Variants in SLC7A5 observed in about 807,000 individuals in gnomAD.
SLC7A5 encodes the protein large neutral amino acids transporter small subunit 1.
SLC7A5 carries 23 observed loss-of-function variants against 50.2 expected under a neutral mutation model. That is an observed-to-expected ratio of 0.46 (90% CI 0.33 to 0.65). The LOEUF (loss-of-function observed/expected upper bound fraction) is 0.65. Ranked by LOEUF, SLC7A5 falls within the 30% of genes least tolerant of loss-of-function variation. SLC7A5 has a pLI of 0.02. For missense variants in SLC7A5, 578 were observed against 684.4 expected, an observed-to-expected ratio of 0.84 and a Z score of 1.73; for synonymous variants, 393 against 330.6, an observed-to-expected ratio of 1.19 and a Z score of -2.05.
intron 1 of SLC7A5, among the ~76,000 whole-genome samples, chr16:87,855,023 C>T (rs938810531): frequency 4.6e-5 from 7 of 152,224 alleles, no homozygotes; most frequent in African/African-American, 1.4e-4. Flanking sequence ...CCAGAGCCAG[C>T]GCCAGGGCCT....
intron 1 of SLC7A5, among the ~76,000 whole-genome samples, chr16:87,866,302 A>G (rs2143837547): frequency 6.6e-6 from 1 of 152,270 alleles, no homozygotes; most frequent in South Asian, 2.1e-4. Context: ...CAGCTCCGGA[A>G]GCATACACTG....
rs970261083 is a variant in SLC7A5 at position 87,833,764 on chromosome 16, G to A, written c.1468+650C>T. On this transcript the variant is annotated intron_variant, in intron 9 of 9. Transcript: ENST00000261622. The surrounding 1 kb of genome is among the most constrained non-coding windows in gnomAD (Gnocchi z 6.0). ...TTTTTCTACGAGCCTGGCCACATTT[G>A]CAGGCGCTGAGGACGGGGTCCTGAG... Among the ~76,000 whole-genome samples, 2 of 151,998 alleles carry A rather than the reference G, an allele frequency of 1.3e-5. No homozygotes were observed. The highest frequency in any genetic ancestry group is 2.4e-5 in the African/African-American group (1 of 41,386).
At chr16:87,834,697 G>T in intron 8 of SLC7A5, 106 bp from the exon 9 acceptor site, 1 of 1,173,050 alleles carries the variant, frequency 8.5e-7, no homozygotes, top group Non-Finnish European at 1.2e-6. Context: ...CACGGCTGCT[G>T]ACTTCCAGGT....
chr16:87,860,903 G>C lies in SLC7A5; in HGVS notation c.538+7982C>G, dbSNP rs184725221. 6.6e-6 allele frequency among the ~76,000 whole-genome samples: 1 copy of C among 152,334 alleles called. No individual in the cohort carries two copies. Among genetic ancestry groups the C allele is most frequent in the East Asian group, 1.9e-4 (1 of 5,178 alleles). On this transcript the variant is annotated intron_variant, in intron 1 of 9. Transcript: ENST00000261622. This position sits in a 1 kb window ranked among gnomAD's most constrained non-coding sequence, Gnocchi z 4.8. ...GGTCTGACGGCCAGGGATGCAGGGA[G>C]AGACGCCTCCCACACTCCCGGAGGC...
intron 2 of SLC7A5, among the ~76,000 whole-genome samples, chr16:87,846,624 G>T (rs571909571): frequency 8.6e-4 from 131 of 152,272 alleles, no homozygotes; most frequent in African/African-American, 3.1e-3. Context: ...ACACAGCGAG[G>T]GGGTGTCTAG....
chr16:87,843,469 C>T lies in SLC7A5; in HGVS notation c.665-2314G>A, dbSNP rs376375154. Reference sequence around the variant, plus strand: ...CACCATGTTGGCCAGGCTGGTCCAGCTCTGCTTAAGGGTGGCCTGGAGGGC... The same window carrying T: ...CACCATGTTGGCCAGGCTGGTCCAGTTCTGCTTAAGGGTGGCCTGGAGGGC... On this transcript the variant is annotated intron_variant, in intron 2 of 9. Transcript: ENST00000261622. Among the ~76,000 whole-genome samples the T allele has an allele frequency of 7.0e-5, 10 of 143,580 alleles. No homozygotes were observed. The South Asian group carries it at 2.0e-3, about 28-fold the overall frequency. 94.2% of individuals were successfully genotyped at this position (143,580 alleles called of 152,430 possible).
rs66480687 is a variant in SLC7A5, at chr16:87,852,939, C to T, written c.539-1090G>A. 0.25 allele frequency among the ~76,000 whole-genome samples: 38,498 copies of T among 152,100 alleles called. 5,590 individuals carry two copies. Among genetic ancestry groups the T allele is most frequent in the East Asian group, 0.66 (3,425 of 5,174 alleles). The stretch of plus-strand genomic sequence containing the variant: ...TTCACTCCTCTGCTCACGAGGTTAT[C>T]TGTCGCTGTCAGCAGCTTGAAATCT... On this transcript the variant is annotated intron_variant, in intron 1 of 9. Coordinates refer to ENST00000261622, the MANE Select transcript of SLC7A5 (RefSeq NM_003486.7). The surrounding 1 kb of genome is among the most constrained non-coding windows in gnomAD (Gnocchi z 4.5).
At chr16:87,844,309 CCT>C (rs1205371900) in intron 2 of SLC7A5, among the ~76,000 whole-genome samples, 2 of 152,218 alleles carry the variant, frequency 1.3e-5, no homozygotes, top group Non-Finnish European at 2.9e-5. Context: ...GCACAGCAGC[CCT>C]GTCAGCAGGA....
intron 2 of SLC7A5, among the ~76,000 whole-genome samples, chr16:87,851,060 A>G (rs1364234685): frequency 6.6e-6 from 1 of 152,262 alleles, no homozygotes; most frequent in African/African-American, 2.4e-5. Context: ...GATTTCCCCA[A>G]GATCACACAG....
chr16:87,838,291 C>T (rs1040324164), intron 6 of SLC7A5, among the ~76,000 whole-genome samples: 39 of 120,070 alleles, frequency 3.2e-4, no homozygotes, highest in African/African-American at 1.1e-3. Context: ...TTGCTGCTGC[C>T]TTTTTTTTTT....
At position 87,862,579 on chromosome 16, in the gene SLC7A5, C is replaced by T. The variant is rs1449096329; in HGVS notation, c.538+6306G>A. ...TTCCCTCCCTCTCTTTGTTCCCTTGCTCCTTCCTTCTTTTGCCAGAGGAGA... is the reference window on the plus strand; with the variant it reads ...TTCCCTCCCTCTCTTTGTTCCCTTGTTCCTTCCTTCTTTTGCCAGAGGAGA... On this transcript the variant is annotated intron_variant, in intron 1 of 9. Transcript: ENST00000261622. This position sits in a 1 kb window ranked among gnomAD's most constrained non-coding sequence, Gnocchi z 5.3. Among the ~76,000 whole-genome samples, 3 of 152,238 alleles carry T rather than the reference C, an allele frequency of 2.0e-5. No individual in the cohort carries two copies. Among genetic ancestry groups the T allele is most frequent in the Admixed American group, 6.5e-5 (1 of 15,282 alleles).
intron 6 of SLC7A5, 85 bp from the exon 7 acceptor site, chr16:87,838,026 G>A (rs2055033285): frequency 1.8e-6 from 2 of 1,093,080 alleles, no homozygotes; most frequent in Non-Finnish European, 2.7e-6. Flanking sequence ...GGGAGTGGCA[G>A]GGCCTGTGCC....
At chr16:87,843,253 T>C (rs28415618) in intron 2 of SLC7A5, among the ~76,000 whole-genome samples, 103,824 of 151,238 alleles carry the variant, frequency 0.69, 36,716 homozygotes, top group East Asian at 0.85. Flanking sequence ...ACACAGAGGG[T>C]GGCTGCTTTT....
chr16:87,857,310 C>T (rs1252094535), intron 1 of SLC7A5, among the ~76,000 whole-genome samples: 2 of 152,170 alleles, frequency 1.3e-5, no homozygotes, highest in Non-Finnish European at 2.9e-5. Flanking sequence ...GCAACCTCCG[C>T]CTCCTGAGTT....
In SLC7A5 at chr16:87,834,749, G is replaced by A; in HGVS notation, c.1291-158C>T. Reference sequence around the variant, plus strand: ...GCACTCCATCTGCCTCACACACCGGGCTGTCCCGCCCTCGACTCTGCATAC... The same window carrying A: ...GCACTCCATCTGCCTCACACACCGGACTGTCCCGCCCTCGACTCTGCATAC... On this transcript the variant is annotated intron_variant, in intron 8 of 9. Coordinates refer to ENST00000261622, the MANE Select transcript of SLC7A5 (RefSeq NM_003486.7). 3 of 764,642 alleles carry A rather than the reference G, an allele frequency of 3.9e-6. No individual in the cohort carries two copies. The South Asian group carries it at 4.7e-5, about 12-fold the overall frequency. The allele number at this position is 764,642 out of a possible 1,614,324, so 47.4% of individuals were successfully genotyped here. A position where few individuals can be genotyped will look rare whatever the true frequency, so the allele number is the denominator to read the frequency against.
rs1326780311 is a variant in SLC7A5, at chr16:87,834,390, G to T, written c.1468+24C>A. ...CTGCCCAGGGCAGAGGGTACCACGG[G>T]CTGTGGGCCAGCGAGATACTCACAG... On this transcript the variant is annotated intron_variant, in intron 9 of 9. Coordinates refer to ENST00000261622, the MANE Select transcript of SLC7A5 (RefSeq NM_003486.7). 3 of 1,550,634 alleles carry T rather than the reference G, an allele frequency of 1.9e-6. No individual in the cohort carries two copies. The African/African-American group carries it at 4.1e-5, about 21-fold the overall frequency.
In SLC7A5 at chr16:87,833,345, G is replaced by T. The variant is rs929226603; in HGVS notation, c.1469-320C>A. Among the ~76,000 whole-genome samples, 4 of 152,204 alleles carry T rather than the reference G, an allele frequency of 2.6e-5. No homozygotes were observed. The highest frequency in any genetic ancestry group is 9.7e-5 in the African/African-American group (4 of 41,436). On this transcript the variant is annotated intron_variant, in intron 9 of 9. Coordinates refer to ENST00000261622, the MANE Select transcript of SLC7A5 (RefSeq NM_003486.7). This position sits in a 1 kb window ranked among gnomAD's most constrained non-coding sequence, Gnocchi z 6.0. ...GGTGTCTCAGCAAAGTGCAACGGGG[G>T]GATGACAGGCCTTCCTGCAGGTCCA...
intron 2 of SLC7A5, 100 bp downstream of exon 2, chr16:87,851,624 G>T (rs2055224039): frequency 1.5e-5 from 21 of 1,443,098 alleles, no homozygotes; most frequent in Middle Eastern, 2.2e-4. Flanking sequence ...CTGCAGAGCT[G>T]CGGACTGGGA....
At chr16:87,867,633 T>C (rs1189108560) in intron 1 of SLC7A5, among the ~76,000 whole-genome samples, 1 of 151,522 alleles carries the variant, frequency 6.6e-6, no homozygotes, top group Admixed American at 6.6e-5. Context: ...ACTCCCCTGA[T>C]TTCATGGCTC....
Sources: allele counts gnomAD v4.1 joint callset (sites outside exome capture counted in the v4.1 genomes callset), GRCh38; gene constraint gnomAD v4.1.1; non-coding constraint Gnocchi (gnomAD v3.1); transcripts MANE v1.5; gene names NCBI Gene and HGNC (gene_info 2026-07-23, HGNC 2026-07-21).